Variants in CDC42SE2 observed in about 807,000 individuals in gnomAD.
CDC42SE2 encodes CDC42 small effector protein 2.
In CDC42SE2, 3 loss-of-function variants were observed where a neutral mutation model predicts 11.5. The observed-to-expected ratio is 0.26, with a 90% confidence interval of 0.12 to 0.67. The LOEUF (loss-of-function observed/expected upper bound fraction) is 0.67. Ranked by LOEUF, CDC42SE2 falls within the 30% of genes least tolerant of loss-of-function variation. The probability of loss-of-function intolerance (pLI) is 0.80; values close to 1 mark genes in which losing one functional copy is unlikely to be tolerated. For synonymous variants in CDC42SE2, 33 were observed against 34.8 expected (o/e 0.95, Z 0.18); for missense variants, 82 against 106.8 (o/e 0.77, Z 1.02).
chr5:131,380,862 C>A (rs768584431), intron 3 of CDC42SE2, among the ~76,000 whole-genome samples: 1 of 152,210 alleles, frequency 6.6e-6, no homozygotes, highest in African/African-American at 2.4e-5. Flanking sequence ...TTCTCTTTCT[C>A]CATTTTCCAC....
At chr5:131,305,198 C>T (rs1035427743) in intron 1 of CDC42SE2, among the ~76,000 whole-genome samples, 25 of 152,080 alleles carry the variant, frequency 1.6e-4, no homozygotes, top group Admixed American at 9.2e-4. Flanking sequence ...TAAAATCATT[C>T]TTTTTTATTG....
chr5:131,307,354 A>G (rs1757801264), intron 1 of CDC42SE2, among the ~76,000 whole-genome samples: 1 of 151,654 alleles, frequency 6.6e-6, no homozygotes, highest in Admixed American at 6.6e-5. Context: ...ACTGAGAATG[A>G]TGGTTTCCAA....
At chr5:131,231,636 A>T in the CDC42SE2 span, among the ~76,000 whole-genome samples, 2 of 152,206 alleles carry the variant, frequency 1.3e-5, no homozygotes, top group South Asian at 4.2e-4. Context: ...TGTGAGTTTA[A>T]TCAGTTCACA....
intron 1 of CDC42SE2, among the ~76,000 whole-genome samples, chr5:131,301,627 G>A (rs571255709): frequency 6.6e-5 from 10 of 151,878 alleles, no homozygotes; most frequent in South Asian, 2.1e-4. Context: ...GCGTGGTGGC[G>A]CGTGCCTGTA....
chr5:131,259,775 T>C (rs543613556), upstream of CDC42SE2, among the ~76,000 whole-genome samples: 1 of 152,284 alleles, frequency 6.6e-6, no homozygotes, highest in African/African-American at 2.4e-5. Context: ...ACTTTGAATG[T>C]AGTTATCTAT....
intron 2 of CDC42SE2, among the ~76,000 whole-genome samples, chr5:131,328,736 C>A (rs1385186483): frequency 6.6e-6 from 1 of 152,066 alleles, no homozygotes; most frequent in East Asian, 1.9e-4. Context: ...GTCTGTGTCC[C>A]TTGCGGGGTA....
At chr5:131,281,555 G>C (rs1414702330) in intron 1 of CDC42SE2, among the ~76,000 whole-genome samples, 1 of 152,136 alleles carries the variant, frequency 6.6e-6, no homozygotes, top group Non-Finnish European at 1.5e-5. Flanking sequence ...AGTATTTAAA[G>C]AAAGTTTCAT....
chr5:131,373,538 A>G (rs1750069103), intron 3 of CDC42SE2, among the ~76,000 whole-genome samples: 1 of 152,220 alleles, frequency 6.6e-6, no homozygotes, highest in Admixed American at 6.5e-5. Flanking sequence ...GGTTTCCCCA[A>G]GCAAAAAGTG....
chr5:131,228,289 C>T, the CDC42SE2 span, among the ~76,000 whole-genome samples: 2 of 152,096 alleles, frequency 1.3e-5, no homozygotes, highest in African/African-American at 4.8e-5. Context: ...ATAGCTTGAG[C>T]CCAGGAAGTT....
At position 131,330,984 on chromosome 5, in the gene CDC42SE2, C is replaced by A. The variant is rs534225885; in HGVS notation, c.-286+14840C>A. 1.1e-4 allele frequency among the ~76,000 whole-genome samples: 17 copies of A among 152,158 alleles called. No homozygotes were observed. In the East Asian group the frequency reaches 3.1e-3, roughly 28 times the overall value. Reference sequence around the variant, plus strand: ...GAGGCTGCAGGGAGCCGTGATTGCACCATTGCCCTGCAGCCTGGGTAACAG... The same window carrying A: ...GAGGCTGCAGGGAGCCGTGATTGCAACATTGCCCTGCAGCCTGGGTAACAG... On this transcript the variant is annotated intron_variant, in intron 2 of 4. Coordinates refer to ENST00000505065, the MANE Select transcript of CDC42SE2 (RefSeq NM_001375635.1).
At chr5:131,364,615 C>T (rs1460918148) in intron 3 of CDC42SE2, among the ~76,000 whole-genome samples, 1 of 152,108 alleles carries the variant, frequency 6.6e-6, no homozygotes, top group Admixed American at 6.6e-5. Flanking sequence ...TATGCTCAGA[C>T]AGAGAGCACT....
At chr5:131,322,155 A>G (rs1758205599) in intron 2 of CDC42SE2, among the ~76,000 whole-genome samples, 1 of 152,038 alleles carries the variant, frequency 6.6e-6, no homozygotes, top group East Asian at 1.9e-4. Flanking sequence ...TGGCAGAAAA[A>G]AATTTTTTTT....
chr5:131,298,976 T>C (rs1757628327), intron 1 of CDC42SE2, among the ~76,000 whole-genome samples: 1 of 152,182 alleles, frequency 6.6e-6, no homozygotes, highest in Admixed American at 6.5e-5. Flanking sequence ...GAATGATTCC[T>C]GAAGGAAATG....
At chr5:131,382,479 C>G (rs112946678) in intron 3 of CDC42SE2, among the ~76,000 whole-genome samples, 250 of 152,290 alleles carry the variant, frequency 1.6e-3, no homozygotes, top group African/African-American at 5.7e-3. Flanking sequence ...TAAACACACC[C>G]TTCTGGAGGA....
the CDC42SE2 span, among the ~76,000 whole-genome samples, chr5:131,235,137 C>T: frequency 6.6e-6 from 1 of 152,086 alleles, no homozygotes; most frequent in Non-Finnish European, 1.5e-5. Flanking sequence ...GATCTGCCTG[C>T]CTCAGCCTCC....
At chr5:131,238,463 A>G in the CDC42SE2 span, among the ~76,000 whole-genome samples, 3 of 149,228 alleles carry the variant, frequency 2.0e-5, no homozygotes, top group Non-Finnish European at 4.4e-5. Context: ...AGATCGTGCC[A>G]CTGCACTCCA....
chr5:131,295,610 A>T (rs1580737209), intron 1 of CDC42SE2, among the ~76,000 whole-genome samples: 1 of 152,286 alleles, frequency 6.6e-6, no homozygotes, highest in East Asian at 1.9e-4. Flanking sequence ...AAAACATAGA[A>T]TAAACTAGTA....
At chr5:131,356,760 T>C (rs1045440822) in intron 2 of CDC42SE2, among the ~76,000 whole-genome samples, 1 of 152,018 alleles carries the variant, frequency 6.6e-6, no homozygotes, top group African/African-American at 2.4e-5. Flanking sequence ...AATAAAAAAT[T>C]AGCAAAGTGT....
intron 2 of CDC42SE2, among the ~76,000 whole-genome samples, chr5:131,333,091 A>G (rs536112932): frequency 3.8e-4 from 58 of 152,224 alleles, no homozygotes; most frequent in African/African-American, 1.4e-3. Flanking sequence ...TAGGGTTTTT[A>G]TGGTTTTAGG....
Sources: allele counts gnomAD v4.1 joint callset (sites outside exome capture counted in the v4.1 genomes callset), GRCh38; gene constraint gnomAD v4.1.1; transcripts MANE v1.5; gene names NCBI Gene and HGNC (gene_info 2026-07-23, HGNC 2026-07-21).